The following IFT25 variants were observed in gnomAD, a reference collection of about 807,000 sequenced individuals.
IFT25 encodes the protein intraflagellar transport protein 25 homolog.
chr1:53,945,040 G>A, the IFT25 span, among the ~76,000 whole-genome samples: 1 of 152,118 alleles, frequency 6.6e-6, no homozygotes, highest in Non-Finnish European at 1.5e-5. Flanking sequence ...CCGGCCTAAG[G>A]CTTCTGTCTC....
At chr1:53,917,946 C>T in the IFT25 span, among the ~76,000 whole-genome samples, 1 of 152,186 alleles carries the variant, frequency 6.6e-6, no homozygotes, top group East Asian at 1.9e-4. Flanking sequence ...AGAGCAGGCC[C>T]CTTTCCTTAA....
chr1:53,933,802 C>T, the IFT25 span, among the ~76,000 whole-genome samples: 2 of 152,214 alleles, frequency 1.3e-5, no homozygotes, highest in South Asian at 4.1e-4. Flanking sequence ...CCTGTTTCTT[C>T]TCTCCTGTTT....
chr1:53,940,070 CA>C, the IFT25 span: 1 of 1,598,602 alleles, frequency 6.3e-7, no homozygotes, highest in Non-Finnish European at 8.5e-7. Flanking sequence ...AGACAGAGAT[CA>C]ATTTTTCTCA....
chr1:53,918,289 A>C, the IFT25 span, among the ~76,000 whole-genome samples: 1 of 152,248 alleles, frequency 6.6e-6, no homozygotes, highest in African/African-American at 2.4e-5. Context: ...ATTGTTAAAA[A>C]ATCATGCAAG....
At chr1:53,934,602 C>G in the IFT25 span, among the ~76,000 whole-genome samples, 2 of 152,008 alleles carry the variant, frequency 1.3e-5, no homozygotes, top group African/African-American at 2.4e-5. Context: ...CTGATGAATG[C>G]GTAAATAAAA....
the IFT25 span, among the ~76,000 whole-genome samples, chr1:53,915,489 T>G: frequency 2.0e-5 from 3 of 152,112 alleles, no homozygotes; most frequent in African/African-American, 7.2e-5. Flanking sequence ...TAAGTGGAAT[T>G]TTAATGATAG....
At chr1:53,932,597 C>G in the IFT25 span, among the ~76,000 whole-genome samples, 2 of 152,242 alleles carry the variant, frequency 1.3e-5, no homozygotes, top group Non-Finnish European at 2.9e-5. Flanking sequence ...CAGAGTCTCG[C>G]TCTGTCACCC....
chr1:53,938,507 G>A, the IFT25 span, among the ~76,000 whole-genome samples: 1 of 152,196 alleles, frequency 6.6e-6, no homozygotes, highest in African/African-American at 2.4e-5. Context: ...CAAGGAAGAG[G>A]CTGAGTTGCT....
At chr1:53,937,673 G>A in the IFT25 span, among the ~76,000 whole-genome samples, 4 of 152,142 alleles carry the variant, frequency 2.6e-5, no homozygotes, top group African/African-American at 7.2e-5. Flanking sequence ...GAACATACTC[G>A]CTTGAGAGAA....
the IFT25 span, among the ~76,000 whole-genome samples, chr1:53,916,178 CAAAAA>C: frequency 1.5e-5 from 1 of 68,432 alleles, no homozygotes. Flanking sequence ...GACCTGCTCT[CAAAAA>C]AAAAAAAAAA....
At chr1:53,932,382 T>C in the IFT25 span, among the ~76,000 whole-genome samples, 1 of 152,184 alleles carries the variant, frequency 6.6e-6, no homozygotes, top group Non-Finnish European at 1.5e-5. Context: ...GATTTCTTTT[T>C]TGACCCATGG....
chr1:53,940,274 C>T, the IFT25 span, among the ~76,000 whole-genome samples: 2 of 152,098 alleles, frequency 1.3e-5, no homozygotes, highest in African/African-American at 4.8e-5. Context: ...CAGGGATAAT[C>T]TATAAGACAT....
chr1:53,931,022 G>A, the IFT25 span, among the ~76,000 whole-genome samples: 5 of 151,978 alleles, frequency 3.3e-5, no homozygotes, highest in Non-Finnish European at 7.4e-5. Flanking sequence ...AAATGTATAC[G>A]CTTATGTAAC....
chr1:53,941,433 T>A, the IFT25 span, among the ~76,000 whole-genome samples: 1 of 152,256 alleles, frequency 6.6e-6, no homozygotes, highest in Non-Finnish European at 1.5e-5. Context: ...TAGTTTTTGT[T>A]TATTAGCATA....
At chr1:53,932,160 G>A in the IFT25 span, among the ~76,000 whole-genome samples, 11 of 152,220 alleles carry the variant, frequency 7.2e-5, no homozygotes, top group South Asian at 2.1e-4. Flanking sequence ...AGACCAGCCC[G>A]ACCAACATGG....
At chr1:53,915,875 G>A in the IFT25 span, among the ~76,000 whole-genome samples, 4 of 152,126 alleles carry the variant, frequency 2.6e-5, no homozygotes, top group Non-Finnish European at 5.9e-5. Context: ...TGCCAGTTGA[G>A]GACAAATGAG....
chr1:53,924,345 G>A, the IFT25 span, among the ~76,000 whole-genome samples: 2 of 152,182 alleles, frequency 1.3e-5, no homozygotes, highest in African/African-American at 4.8e-5. Flanking sequence ...ATAGCCACGG[G>A]AAACAACTAG....
the IFT25 span, among the ~76,000 whole-genome samples, chr1:53,913,905 T>C: frequency 6.6e-6 from 1 of 152,200 alleles, no homozygotes; most frequent in Non-Finnish European, 1.5e-5. Flanking sequence ...CACCAGAAAC[T>C]ATGCCGGCAC....
chr1:53,937,150 C>T, the IFT25 span, among the ~76,000 whole-genome samples: 19 of 152,206 alleles, frequency 1.2e-4, no homozygotes, highest in Non-Finnish European at 2.8e-4. Context: ...CAGAGTCTCG[C>T]TCTGTCACCC....
Sources: allele counts gnomAD v4.1 joint callset (sites outside exome capture counted in the v4.1 genomes callset), GRCh38; gene constraint gnomAD v4.1.1; transcripts MANE v1.5; gene names NCBI Gene and HGNC (gene_info 2026-07-23, HGNC 2026-07-21).